The following LRRFIP1 variants were observed in gnomAD, a reference collection of about 807,000 sequenced individuals.
LRRFIP1 encodes the protein leucine-rich repeat flightless-interacting protein 1.
LRRFIP1 carries 62 observed loss-of-function variants against 104.4 expected under a neutral mutation model. That is an observed-to-expected ratio of 0.59 (90% CI 0.48 to 0.73). LRRFIP1 has a LOEUF of 0.73. LRRFIP1 is among the 30% of genes least tolerant of loss of function. The probability of loss-of-function intolerance (pLI) is 0.00; values close to 1 mark genes in which losing one functional copy is unlikely to be tolerated. For synonymous variants in LRRFIP1, 300 were observed against 299.0 expected, an observed-to-expected ratio of 1.00 and a Z score of -0.03; for missense variants, 796 against 824.5, an observed-to-expected ratio of 0.97 and a Z score of 0.42.
chr2:237,640,084 C>A lies in LRRFIP1; in HGVS notation c.96+12344C>A, dbSNP rs533033361. 1.1e-4 allele frequency among the ~76,000 whole-genome samples: 16 copies of A among 152,296 alleles called. No individual in the cohort carries two copies. In the South Asian group the frequency reaches 3.3e-3, roughly 32 times the overall value. Reference sequence around the variant, plus strand: ...GACAGTGACTACGACTGTTTGCCCTCCTGCAAGGAGGGTAAAAAGCCCTAG... The same window carrying A: ...GACAGTGACTACGACTGTTTGCCCTACTGCAAGGAGGGTAAAAAGCCCTAG... On this transcript the variant is annotated intron_variant, in intron 1 of 23. Transcript: ENST00000308482.
At chr2:237,728,140 A>C (rs1463848724) in intron 8 of LRRFIP1, among the ~76,000 whole-genome samples, 1 of 152,172 alleles carries the variant, frequency 6.6e-6, no homozygotes, top group Non-Finnish European at 1.5e-5. Flanking sequence ...TAGCCCTCCA[A>C]CATTCTGATT....
chr2:237,647,395 G>T (rs1187176691), intron 1 of LRRFIP1, among the ~76,000 whole-genome samples: 1 of 152,156 alleles, frequency 6.6e-6, no homozygotes, highest in Non-Finnish European at 1.5e-5. Flanking sequence ...TGGTGGAAAG[G>T]TGCCAGGTGG....
At chr2:237,733,893 CG>C (rs1357242853) in intron 9 of LRRFIP1, 75 bp downstream of exon 9, 5 of 1,507,666 alleles carry the variant, frequency 3.3e-6, no homozygotes, top group Non-Finnish European at 4.6e-6. Context: ...AGCCCAGAGC[CG>C]GGGATGTGCC....
At chr2:237,719,813 T>C (rs1160765920) in intron 5 of LRRFIP1, among the ~76,000 whole-genome samples, 1 of 152,170 alleles carries the variant, frequency 6.6e-6, no homozygotes, top group Non-Finnish European at 1.5e-5. Context: ...TCAGTATTAA[T>C]ATATTCATGA....
chr2:237,627,868 G>A lies in LRRFIP1; in HGVS notation c.96+128G>A. The A allele has an allele frequency of 3.4e-6, 2 of 585,514 alleles. 1 individual carries two copies. The highest frequency in any genetic ancestry group is 4.8e-6 in the Non-Finnish European group (2 of 419,840). The allele number at this position is 585,514 out of a possible 1,614,324, so 36.3% of individuals were successfully genotyped here. ...CCACTGCGCGTCCGGCTCCAGGCGG[G>A]TGGGCCGGGCAGGCGCGCGCCGGGG... On this transcript the variant is annotated intron_variant, in intron 1 of 23. Coordinates refer to ENST00000308482, the MANE Select transcript of LRRFIP1 (RefSeq NM_001137550.2).
intron 19 of LRRFIP1, chr2:237,762,907 T>A: frequency 6.2e-7 from 1 of 1,614,160 alleles, no homozygotes; most frequent in African/African-American, 1.3e-5. Context: ...GTGCACCAGA[T>A]GACAGGACCA....
chr2:237,649,265 C>G lies in LRRFIP1; in HGVS notation c.96+21525C>G, dbSNP rs904569835. On this transcript the variant is annotated intron_variant, in intron 1 of 23. Coordinates refer to ENST00000308482, the MANE Select transcript of LRRFIP1 (RefSeq NM_001137550.2). The surrounding 1 kb of genome is among the most constrained non-coding windows in gnomAD (Gnocchi z 4.1). ...ACACTGTAGGCCGGGCGCGATGGCT[C>G]ACACCTGTAATCCCAGCACTTTGGG... Among the ~76,000 whole-genome samples the G allele has an allele frequency of 6.6e-6, 1 of 151,900 alleles. No individual in the cohort carries two copies. The highest frequency in any genetic ancestry group is 2.4e-5 in the African/African-American group (1 of 41,422).
chr2:237,772,321 C>A, intron 21 of LRRFIP1, 123 bp downstream of exon 21: 1 of 701,418 alleles, frequency 1.4e-6, no homozygotes, highest in Non-Finnish European at 2.4e-6. Flanking sequence ...CCACAAAAGC[C>A]CTTAAAAATA....
chr2:237,696,525 C>T (rs980327154), intron 1 of LRRFIP1, among the ~76,000 whole-genome samples: 15 of 152,226 alleles, frequency 9.9e-5, no homozygotes, highest in African/African-American at 3.4e-4. Context: ...ACCCCTGCTG[C>T]GCCCACCTGG....
intron 1 of LRRFIP1, among the ~76,000 whole-genome samples, chr2:237,666,650 A>G (rs1575286371): frequency 6.6e-6 from 1 of 151,324 alleles, no homozygotes; most frequent in East Asian, 2.0e-4. Flanking sequence ...AGTGAAGCAA[A>G]CCCTGCTGGT....
At position 237,753,299 on chromosome 2, in the gene LRRFIP1, C is replaced by T. The variant is rs745654707; in HGVS notation, c.868-10C>T. ...ATTGCAATTTCAAAAATATGACCTG[C>T]TTTCCACAGGACTCTCTAGCAGAAG... On this transcript the variant is annotated splice_polypyrimidine_tract_variant and intron_variant, in intron 14 of 23. Coordinates refer to ENST00000308482, the MANE Select transcript of LRRFIP1 (RefSeq NM_001137550.2). The T allele has an allele frequency of 1.0e-5, 16 of 1,557,368 alleles. No individual in the cohort carries two copies. In the South Asian group the frequency reaches 1.7e-4, roughly 17 times the overall value.
intron 1 of LRRFIP1, among the ~76,000 whole-genome samples, chr2:237,664,473 T>C (rs910084718): frequency 2.0e-5 from 3 of 152,158 alleles, no homozygotes; most frequent in African/African-American, 7.2e-5. Flanking sequence ...AACAGAAAAG[T>C]CACGTTGTTG....
Position 237,779,772 on chromosome 2 carries a change from A to G in LRRFIP1, c.*240A>G, listed in dbSNP as rs2061382081. On this transcript the variant is annotated 3_prime_UTR_variant, in exon 24 of 24. Coordinates refer to ENST00000308482, the MANE Select transcript of LRRFIP1 (RefSeq NM_001137550.2). ...GCGCCGACGCTCAGAACCTGCAGGT[A>G]CTTCATAAGCACACAGGGGCCTCGA... The G allele has an allele frequency of 2.5e-6, 1 of 394,046 alleles. No individual in the cohort carries two copies. The highest frequency in any genetic ancestry group is 2.7e-5 in the South Asian group (1 of 36,492). 24.4% of individuals were successfully genotyped at this position (394,046 alleles called of 1,614,324 possible).
intron 6 of LRRFIP1, among the ~76,000 whole-genome samples, chr2:237,722,843 C>G (rs564026358): frequency 6.6e-6 from 1 of 152,160 alleles, no homozygotes; most frequent in Non-Finnish European, 1.5e-5. Context: ...GTGTGTCCTC[C>G]GTGCGCTGGG....
rs2081804267 is a variant in LRRFIP1 at position 237,627,891 on chromosome 2, G to C, written c.96+151G>C. On this transcript the variant is annotated intron_variant, in intron 1 of 23. Transcript: ENST00000308482. ...GGGTGGGCCGGGCAGGCGCGCGCCG[G>C]GGCGCTGATCCCCAGGCGCTGCGCC... 2.0e-5 allele frequency among the ~76,000 whole-genome samples: 3 copies of C among 150,670 alleles called. 1 individual carries two copies. The South Asian group carries it at 6.2e-4, about 31-fold the overall frequency.
At chr2:237,679,654 G>A (rs146403899) in intron 1 of LRRFIP1, among the ~76,000 whole-genome samples, 1,771 of 152,258 alleles carry the variant, frequency 0.012, 24 homozygotes, top group East Asian at 0.047. Context: ...TGTTGCCCAG[G>A]CTAGAGTGCA....
In LRRFIP1 at chr2:237,748,403, A is replaced by G; in HGVS notation, c.669+4A>G. 1 of 1,603,276 alleles carries G rather than the reference A, an allele frequency of 6.2e-7. No individual in the cohort carries two copies. The highest frequency in any genetic ancestry group is 8.5e-7 in the Non-Finnish European group (1 of 1,176,564). ...AGAAAAAGATTTTACTGAGAAGGTAAGGAATCGTTCATAAACCTAGAGGGT... is the reference window on the plus strand; with the variant it reads ...AGAAAAAGATTTTACTGAGAAGGTAGGGAATCGTTCATAAACCTAGAGGGT... On this transcript the variant is annotated splice_donor_region_variant and intron_variant, in intron 12 of 23. Transcript: ENST00000308482.
In LRRFIP1 at chr2:237,749,244, C is replaced by T; in HGVS notation, c.715C>T (p.Leu239=). The T allele has an allele frequency of 6.2e-7, 1 of 1,614,046 alleles. No homozygotes were observed. The highest frequency in any genetic ancestry group is 8.5e-7 in the Non-Finnish European group (1 of 1,180,022). Residue 239 remains leucine (L), a synonymous_variant, in exon 13 of 24, where the codon CTG becomes TTG. Transcript: ENST00000308482. The stretch of plus-strand genomic sequence containing the variant: ...CCTGTCTGCAGCCACGCTGGCCTCT[C>T]TGGGTGGGACTTCCTCTCGGAGAGG... The part of the protein sequence containing the change: ...PGLSAATLAS[L]GGTSSRRGSG...
intron 6 of LRRFIP1, among the ~76,000 whole-genome samples, chr2:237,722,922 C>G (rs1262212233): frequency 6.6e-6 from 1 of 152,204 alleles, no homozygotes; most frequent in African/African-American, 2.4e-5. Context: ...GGACTGGCAT[C>G]TCGCTCTATT....
Sources: allele counts gnomAD v4.1 joint callset (sites outside exome capture counted in the v4.1 genomes callset), GRCh38; gene constraint gnomAD v4.1.1; non-coding constraint Gnocchi (gnomAD v3.1); transcripts MANE v1.5; gene names NCBI Gene and HGNC (gene_info 2026-07-23, HGNC 2026-07-21).